The following ASIC2 variants were observed in gnomAD, a reference collection of about 807,000 sequenced individuals.
ASIC2 encodes acid-sensing ion channel 2.
A neutral mutation model predicts 57.3 loss-of-function variants in ASIC2; 25 were observed. That is an observed-to-expected ratio of 0.44 (90% CI 0.32 to 0.61). The LOEUF is 0.61. ASIC2 is among the 20% of genes least tolerant of loss of function. The pLI, the probability that ASIC2 is intolerant of heterozygous loss-of-function variation, is 0.06. For missense variants in ASIC2, 641 were observed against 738.1 expected (o/e 0.87, Z 1.52); for synonymous variants, 319 against 307.5 (o/e 1.04, Z -0.39).
intron 1 of ASIC2, among the ~76,000 whole-genome samples, chr17:33,750,315 G>A (rs1020305689): frequency 1.3e-5 from 2 of 152,154 alleles, no homozygotes; most frequent in African/African-American, 4.8e-5. Context: ...TAAATGAACA[G>A]ATTGCAAGGA....
chr17:33,478,563 G>T (rs557622341), intron 1 of ASIC2, among the ~76,000 whole-genome samples: 1 of 152,118 alleles, frequency 6.6e-6, no homozygotes, highest in African/African-American at 2.4e-5. Flanking sequence ...TCAATCCTTC[G>T]GGAGAAAATT....
At chr17:33,772,189 G>T (rs1303638335) in intron 1 of ASIC2, among the ~76,000 whole-genome samples, 2 of 152,172 alleles carry the variant, frequency 1.3e-5, no homozygotes, top group Non-Finnish European at 2.9e-5. Flanking sequence ...TGATCTAACT[G>T]CCTTGTTTGA....
At chr17:34,022,683 T>C (rs1394087885) in intron 1 of ASIC2, among the ~76,000 whole-genome samples, 1 of 149,958 alleles carries the variant, frequency 6.7e-6, no homozygotes, top group Non-Finnish European at 1.5e-5. Context: ...CAATAGAATA[T>C]AAAAGCAATT....
intron 1 of ASIC2, among the ~76,000 whole-genome samples, chr17:33,688,643 G>A (rs1247081298): frequency 3.3e-5 from 5 of 152,130 alleles, no homozygotes; most frequent in East Asian, 1.9e-4. Flanking sequence ...AAATTTGAAC[G>A]GATATATTGT....
chr17:33,294,832 G>A (rs1417032415), upstream of ASIC2, among the ~76,000 whole-genome samples: 1 of 152,162 alleles, frequency 6.6e-6, no homozygotes, highest in Non-Finnish European at 1.5e-5. Flanking sequence ...AGTTTGCTTT[G>A]GGTTTGGTTG....
intron 1 of ASIC2, among the ~76,000 whole-genome samples, chr17:33,482,235 G>A (rs1480326787): frequency 5.3e-5 from 8 of 152,246 alleles, no homozygotes; most frequent in Admixed American, 5.2e-4. Flanking sequence ...CTGGGCCTCT[G>A]AAGACTCATC....
At chr17:33,900,267 A>T (rs145974279) in intron 1 of ASIC2, among the ~76,000 whole-genome samples, 153 of 152,306 alleles carry the variant, frequency 1.0e-3, no homozygotes, top group Admixed American at 2.3e-3. Flanking sequence ...CACCATCTTC[A>T]TCCCCTAGAT....
chr17:33,957,942 A>C (rs1904790208), intron 1 of ASIC2, among the ~76,000 whole-genome samples: 1 of 152,258 alleles, frequency 6.6e-6, no homozygotes, highest in African/African-American at 2.4e-5. Flanking sequence ...ATAGGGGTAA[A>C]GGCATTGGGT....
chr17:33,206,588 A>G (rs1359052367), intron 1 of ASIC2, among the ~76,000 whole-genome samples: 1 of 152,024 alleles, frequency 6.6e-6, no homozygotes, highest in East Asian at 1.9e-4. Context: ...CTCTGCTTGG[A>G]TGGGGCTGTC....
intron 1 of ASIC2, among the ~76,000 whole-genome samples, chr17:34,095,593 G>A (rs1405954332): frequency 2.4e-5 from 3 of 126,218 alleles, no homozygotes; most frequent in African/African-American, 5.5e-5. Context: ...GAGTTGGGGA[G>A]AAGCAGGCAA....
chr17:33,531,841 C>T (rs1444095500), intron 1 of ASIC2, among the ~76,000 whole-genome samples: 1 of 152,082 alleles, frequency 6.6e-6, no homozygotes, highest in African/African-American at 2.4e-5. Context: ...CTGACTGTCT[C>T]GTGAGCAGAA....
intron 1 of ASIC2, among the ~76,000 whole-genome samples, chr17:34,032,102 T>C (rs984509967): frequency 1.6e-4 from 24 of 152,084 alleles, no homozygotes; most frequent in African/African-American, 5.1e-4. Flanking sequence ...ATGATCAGGG[T>C]AGCCAGAGAG....
At chr17:33,568,650 C>A (rs1292378109) in intron 1 of ASIC2, among the ~76,000 whole-genome samples, 1 of 152,134 alleles carries the variant, frequency 6.6e-6, no homozygotes, top group African/African-American at 2.4e-5. Flanking sequence ...GATATATCTG[C>A]CTTTTTATTA....
At chr17:33,155,564 C>CT (rs558082080) in intron 1 of ASIC2, among the ~76,000 whole-genome samples, 50,718 of 130,654 alleles carry the variant, frequency 0.39, 9,954 homozygotes, top group Middle Eastern at 0.48. Context: ...TTCTTTCTTT[C>CT]TTTTTTTTTT....
intron 1 of ASIC2, among the ~76,000 whole-genome samples, chr17:33,414,521 C>T (rs568743811): frequency 1.6e-4 from 24 of 152,268 alleles, no homozygotes; most frequent in African/African-American, 3.6e-4. Flanking sequence ...CGGCAGCCAC[C>T]GACTGGGCTT....
At chr17:33,348,820 C>T (rs901779088) in intron 1 of ASIC2, among the ~76,000 whole-genome samples, 1 of 151,916 alleles carries the variant, frequency 6.6e-6, no homozygotes, top group Non-Finnish European at 1.5e-5. Flanking sequence ...TTAGGTGGTA[C>T]CTTGTGCAAA....
chr17:33,289,874 C>A (rs1164839693), intron 1 of ASIC2, among the ~76,000 whole-genome samples: 1 of 152,158 alleles, frequency 6.6e-6, no homozygotes, highest in Non-Finnish European at 1.5e-5. Flanking sequence ...GAACTTTAAT[C>A]TAACTCTTGA....
chr17:33,130,911 A>G (rs897588281), intron 1 of ASIC2, among the ~76,000 whole-genome samples: 1 of 152,208 alleles, frequency 6.6e-6, no homozygotes, highest in African/African-American at 2.4e-5. Context: ...CAGTGACAAC[A>G]TGAGATTTGG....
At chr17:33,042,945 T>C (rs80243897) in intron 3 of ASIC2, among the ~76,000 whole-genome samples, 1 of 151,960 alleles carries the variant, frequency 6.6e-6, no homozygotes, top group African/African-American at 2.4e-5. Flanking sequence ...TTTTTTTTTT[T>C]GAGACGGAGT....
Sources: gnomAD v4.1 joint callset for allele counts (sites outside exome capture counted in the v4.1 genomes callset) on GRCh38, gnomAD v4.1.1 for gene constraint, MANE v1.5 for transcripts, NCBI Gene and HGNC (gene_info 2026-07-23, HGNC 2026-07-21) for gene names.